The following CCDC33 variants were observed in gnomAD, a reference collection of about 807,000 sequenced individuals.
CCDC33 encodes the protein coiled-coil domain-containing protein 33.
A neutral mutation model predicts 91.9 loss-of-function variants in CCDC33; 94 were observed. The ratio of observed to expected loss-of-function variants is 1.02; its 90% CI spans 0.87 to 1.21. The LOEUF (loss-of-function observed/expected upper bound fraction) is 1.21, where lower values mean the gene tolerates loss of function less well. Among genes scored for constraint, CCDC33 ranks in the 50% most tolerant of loss-of-function variants. CCDC33 has a pLI of 0.00. For synonymous variants in CCDC33, 396 were observed against 374.5 expected, an observed-to-expected ratio of 1.06 and a Z score of -0.66; for missense variants, 940 against 935.5, an observed-to-expected ratio of 1.00 and a Z score of -0.06.
intron 11 of CCDC33, among the ~76,000 whole-genome samples, chr15:74,296,223 T>C (rs939077054): frequency 6.6e-6 from 1 of 152,212 alleles, no homozygotes; most frequent in African/African-American, 2.4e-5. Context: ...TCCATTTATG[T>C]GTGTAGGCAT....
chr15:74,295,781 A>G lies in CCDC33; in HGVS notation c.1123A>G (p.Asn375Asp). 3 of 1,613,450 alleles carry G rather than the reference A, an allele frequency of 1.9e-6. No individual in the cohort carries two copies. Among genetic ancestry groups the G allele is most frequent in the Non-Finnish European group, 2.5e-6 (3 of 1,179,772 alleles). ...ERPENFLTPN[N>D]SKALPTLDPK... ...ACCAGAAAACTTCTTGACACCAAAC[A>G]ACAGCAAGGCTCTTCCTACCTTGGA... is the stretch of plus-strand genomic sequence containing the variant. The change falls in exon 11 of 19, where the codon AAC becomes GAC. Residue 375 changes from asparagine (N) to aspartate (D), a missense_variant. Physicochemically the swap from Asn to Asp is conservative, Grantham distance 23 (BLOSUM62 1). Coordinates refer to ENST00000398814, the MANE Select transcript of CCDC33 (RefSeq NM_025055.5).
At chr15:74,310,065 T>A (rs1477636047) in intron 11 of CCDC33, among the ~76,000 whole-genome samples, 1 of 152,026 alleles carries the variant, frequency 6.6e-6, no homozygotes, top group Non-Finnish European at 1.5e-5. Context: ...GTGGGAGAAT[T>A]GCTTGAGCCT....
intron 2 of CCDC33, among the ~76,000 whole-genome samples, chr15:74,248,390 G>A (rs2075603330): frequency 6.6e-6 from 1 of 151,184 alleles, no homozygotes; most frequent in African/African-American, 2.4e-5. Context: ...CTGTTTTTTG[G>A]TACCCTGAGC....
chr15:74,331,147 G>A (rs1441420638), intron 14 of CCDC33, 35 bp downstream of exon 14: 1 of 1,613,792 alleles, frequency 6.2e-7, no homozygotes, highest in South Asian at 1.1e-5. Flanking sequence ...GAGGCCAACT[G>A]ATGATGGCAG....
At chr15:74,293,525 C>G (rs2059623115) in intron 10 of CCDC33, among the ~76,000 whole-genome samples, 1 of 152,160 alleles carries the variant, frequency 6.6e-6, no homozygotes. Context: ...GGTACTTTTT[C>G]CTATCTAAAA....
At chr15:74,219,581 A>G (rs1173542487) in intron 2 of CCDC33, among the ~76,000 whole-genome samples, 5 of 152,170 alleles carry the variant, frequency 3.3e-5, no homozygotes, top group African/African-American at 1.2e-4. Context: ...GGTATCATCT[A>G]TGGTCCTGTA....
At chr15:74,247,697 G>A (rs895483803) in intron 2 of CCDC33, among the ~76,000 whole-genome samples, 1 of 152,164 alleles carries the variant, frequency 6.6e-6, no homozygotes, top group Admixed American at 6.5e-5. Flanking sequence ...GGGAAATGAG[G>A]AAATGTTGGC....
intron 1 of CCDC33, among the ~76,000 whole-genome samples, chr15:74,238,534 A>G (rs751289671): frequency 6.6e-6 from 1 of 151,886 alleles, no homozygotes; most frequent in Non-Finnish European, 1.5e-5. Flanking sequence ...TGCTCTTTGT[A>G]TACTAGGGAT....
At chr15:74,308,414 C>T (rs77929943) in intron 11 of CCDC33, among the ~76,000 whole-genome samples, 1,988 of 148,566 alleles carry the variant, frequency 0.013, 23 homozygotes, top group Middle Eastern at 0.059. Flanking sequence ...CAATCAAGTC[C>T]GCAGATAATA....
In CCDC33 at chr15:74,211,180, CA is replaced by C. The variant is rs1567205336; in HGVS notation, n.237-965del. ...ACACACACACACACACACACACACA[CA>C]CCTCACTGCTTTTTCCCCCAAGAAC... On this transcript the variant is annotated intron_variant and non_coding_transcript_variant, in intron 2 of 3. Coordinates refer to the CCDC33 transcript ENST00000558645. Among the ~76,000 whole-genome samples the C allele has an allele frequency of 8.6e-4, 115 of 133,594 alleles. 1 individual carries two copies. The highest frequency in any genetic ancestry group is 3.0e-3 in the African/African-American group (111 of 37,524). 87.6% of individuals were successfully genotyped at this position (133,594 alleles called of 152,430 possible).
At chr15:74,243,864 G>A (rs1308890949) in intron 1 of CCDC33, 121 bp from the exon 2 acceptor site, 89 of 1,089,348 alleles carry the variant, frequency 8.2e-5, no homozygotes, top group Non-Finnish European at 5.0e-5. Flanking sequence ...AGAATTGCTT[G>A]AACCTGGGAG....
chr15:74,243,518 T>C (rs2075413388), intron 1 of CCDC33, among the ~76,000 whole-genome samples: 1 of 151,998 alleles, frequency 6.6e-6, no homozygotes, highest in African/African-American at 2.4e-5. Flanking sequence ...AGACGTGGGA[T>C]GGGGACAGAA....
rs904675750 is a variant in CCDC33 at position 74,326,248 on chromosome 15, C to T, written c.1291-3941C>T. Among the ~76,000 whole-genome samples the T allele has an allele frequency of 1.2e-4, 18 of 152,292 alleles. 1 individual carries two copies. Among genetic ancestry groups the T allele is most frequent in the African/African-American group, 4.1e-4 (17 of 41,552 alleles). On this transcript the variant is annotated intron_variant, in intron 11 of 18. Transcript: ENST00000398814. ...GCTGAGTCAGGAGGACCACTTGAGC[C>T]CAGAAGTTCGAGGTTGCAGTGAGCT... is the stretch of plus-strand genomic sequence containing the variant.
At chr15:74,221,889 G>A (rs972191420) in intron 2 of CCDC33, among the ~76,000 whole-genome samples, 2 of 152,150 alleles carry the variant, frequency 1.3e-5, no homozygotes, top group African/African-American at 2.4e-5. Flanking sequence ...CCTCTTGGCA[G>A]GTTTGAGACC....
intron 2 of CCDC33, among the ~76,000 whole-genome samples, chr15:74,223,723 T>TACATACAC (rs1297568171): frequency 2.7e-5 from 3 of 112,190 alleles, no homozygotes; most frequent in Non-Finnish European, 3.9e-5. Context: ...ACCGCCAGCA[T>TACATACAC]ACACACACAC....
In CCDC33 at chr15:74,286,508, C is replaced by T. The variant is rs560763295; in HGVS notation, c.1095+4659C>T. On this transcript the variant is annotated intron_variant, in intron 10 of 18. Transcript: ENST00000398814. Reference sequence around the variant, plus strand: ...CTCTTTGAAGTGAGGCCCACACTGCCCAGGTTTCCTGGGCTGACCTTGTGG... The same window carrying T: ...CTCTTTGAAGTGAGGCCCACACTGCTCAGGTTTCCTGGGCTGACCTTGTGG... Among the ~76,000 whole-genome samples the T allele has an allele frequency of 2.0e-5, 3 of 152,244 alleles. No individual in the cohort carries two copies. In the South Asian group the frequency reaches 6.2e-4, roughly 32 times the overall value.
intron 10 of CCDC33, among the ~76,000 whole-genome samples, chr15:74,289,061 C>A (rs968990458): frequency 6.6e-6 from 1 of 152,290 alleles, no homozygotes; most frequent in South Asian, 2.1e-4. Flanking sequence ...GAGGACAGGG[C>A]TCCTGGGGGA....
rs918808627 is a variant in CCDC33 at position 74,316,392 on chromosome 15, AT to A, written c.1291-13795del. Among the ~76,000 whole-genome samples the A allele has an allele frequency of 6.6e-6, 1 of 152,198 alleles. No homozygotes were observed. The highest frequency in any genetic ancestry group is 2.4e-5 in the African/African-American group (1 of 41,448). Reference sequence around the variant, plus strand: ...TAGTGCATTATTGATGGGGCTTCTAATTGTGCGTTTCCCAAAGTCTACAGGC... The same window carrying A: ...TAGTGCATTATTGATGGGGCTTCTAATGTGCGTTTCCCAAAGTCTACAGGC... On this transcript the variant is annotated intron_variant, in intron 11 of 18. Coordinates refer to ENST00000398814, the MANE Select transcript of CCDC33 (RefSeq NM_025055.5). The surrounding 1 kb of genome is among the most constrained non-coding windows in gnomAD (Gnocchi z 4.7).
At chr15:74,265,187 G>T (rs564510796) in intron 3 of CCDC33, among the ~76,000 whole-genome samples, 1 of 151,966 alleles carries the variant, frequency 6.6e-6, no homozygotes, top group Non-Finnish European at 1.5e-5. Flanking sequence ...ATGACCCAGC[G>T]GCTGAGCCCG....
Sources: gnomAD v4.1 joint callset for allele counts (sites outside exome capture counted in the v4.1 genomes callset) on GRCh38, gnomAD v4.1.1 for gene constraint, Gnocchi (gnomAD v3.1) non-coding constraint, MANE v1.5 for transcripts, NCBI Gene and HGNC (gene_info 2026-07-23, HGNC 2026-07-21) for gene names.